The following COG5 variants were observed in gnomAD, a reference collection of about 807,000 sequenced individuals.
The protein encoded by COG5 is conserved oligomeric Golgi complex subunit 5.
Under a neutral mutation model 110.4 loss-of-function variants are expected in COG5, and 86 were observed. The observed-to-expected ratio is 0.78, with a 90% CI of 0.65 to 0.93. The LOEUF is 0.93. COG5 is among the 40% of genes least tolerant of loss of function. The probability of loss-of-function intolerance (pLI) is 0.00; values close to 1 mark genes in which losing one functional copy is unlikely to be tolerated. For missense variants in COG5, 1,077 were observed against 987.0 expected (o/e 1.09, Z -1.22); for synonymous variants, 360 against 334.6 (o/e 1.08, Z -0.83).
chr7:107,447,638 G>A (rs1448334548), intron 6 of COG5, among the ~76,000 whole-genome samples: 1 of 152,108 alleles, frequency 6.6e-6, no homozygotes, highest in African/African-American at 2.4e-5. Context: ...TTTTCATACA[G>A]TATCTCATAA....
chr7:107,386,680 C>T (rs898297871), intron 7 of COG5, among the ~76,000 whole-genome samples: 1 of 151,978 alleles, frequency 6.6e-6, no homozygotes, highest in African/African-American at 2.4e-5. Flanking sequence ...TTCACAGGCA[C>T]AATTAAGGGA....
At chr7:107,307,045 T>C (rs1807786049) in intron 11 of COG5, among the ~76,000 whole-genome samples, 1 of 152,206 alleles carries the variant, frequency 6.6e-6, no homozygotes, top group Non-Finnish European at 1.5e-5. Flanking sequence ...ACAAACAAGA[T>C]GCCAACACAC....
At chr7:107,413,638 C>A (rs533120255) in intron 6 of COG5, among the ~76,000 whole-genome samples, 5 of 152,148 alleles carry the variant, frequency 3.3e-5, no homozygotes, top group Non-Finnish European at 5.9e-5. Context: ...TTTCCCCTCC[C>A]ATTTATCTGA....
At chr7:107,270,649 C>CT (rs1804183250) in intron 14 of COG5, among the ~76,000 whole-genome samples, 2 of 151,798 alleles carry the variant, frequency 1.3e-5, no homozygotes, top group African/African-American at 2.4e-5. Flanking sequence ...ACACACACCC[C>CT]TTTACTCCTT....
intron 6 of COG5, among the ~76,000 whole-genome samples, chr7:107,488,029 T>C (rs1346041537): frequency 6.6e-6 from 1 of 152,102 alleles, no homozygotes; most frequent in East Asian, 1.9e-4. Flanking sequence ...TGAACATATA[T>C]TGTTAATGTA....
chr7:107,510,489 C>T (rs150436886), intron 6 of COG5, among the ~76,000 whole-genome samples: 19,369 of 152,076 alleles, frequency 0.13, 1,514 homozygotes, highest in Non-Finnish European at 0.17. Context: ...GACAGATCAA[C>T]GAGACAGAAA....
intron 6 of COG5, among the ~76,000 whole-genome samples, chr7:107,413,400 C>G (rs1187713355): frequency 2.6e-5 from 4 of 152,008 alleles, no homozygotes; most frequent in Non-Finnish European, 5.9e-5. Flanking sequence ...TAAGAAGTAA[C>G]CAAACAACAT....
chr7:107,455,850 C>G (rs1274937961), intron 6 of COG5, among the ~76,000 whole-genome samples: 1 of 150,764 alleles, frequency 6.6e-6, no homozygotes, highest in Admixed American at 6.6e-5. Context: ...CTGGAGTGCA[C>G]TGGTGCTATC....
In COG5 at chr7:107,436,714, T is replaced by C. The variant is rs543564696; in HGVS notation, c.539-24082A>G. ...AATGTTAATTTTTGCTTTCAACTGATGGAAAGAAAACTAAAATTGAATTAA... is the reference window on the plus strand; with the variant it reads ...AATGTTAATTTTTGCTTTCAACTGACGGAAAGAAAACTAAAATTGAATTAA... On this transcript the variant is annotated intron_variant, in intron 6 of 21. Transcript: ENST00000297135. Among the ~76,000 whole-genome samples, 218 of 152,252 alleles carry C rather than the reference T, an allele frequency of 1.4e-3. 1 individual carries two copies. The highest frequency in any genetic ancestry group is 3.4e-3 in the Middle Eastern group (1 of 294).
chr7:107,280,977 T>A (rs906229360), intron 14 of COG5, among the ~76,000 whole-genome samples: 2 of 151,866 alleles, frequency 1.3e-5, no homozygotes, highest in Non-Finnish European at 1.5e-5. Context: ...TGATCATGCA[T>A]AATTATAATT....
At chr7:107,326,141 C>A (rs944943750) in intron 10 of COG5, among the ~76,000 whole-genome samples, 1 of 152,024 alleles carries the variant, frequency 6.6e-6, no homozygotes, top group African/African-American at 2.4e-5. Context: ...AACTAGGACT[C>A]GAAGGAAATT....
At chr7:107,460,733 A>G (rs1563048366) in intron 6 of COG5, among the ~76,000 whole-genome samples, 1 of 152,158 alleles carries the variant, frequency 6.6e-6, no homozygotes, top group East Asian at 1.9e-4. Flanking sequence ...AAAAAGAAAA[A>G]AAGATGATAG....
chr7:107,480,251 C>A (rs570695556), intron 6 of COG5, among the ~76,000 whole-genome samples: 1 of 152,014 alleles, frequency 6.6e-6, no homozygotes, highest in East Asian at 1.9e-4. Flanking sequence ...TTCAGAATGA[C>A]GGCAAGAAGC....
intron 6 of COG5, among the ~76,000 whole-genome samples, chr7:107,444,834 G>A (rs1412704196): frequency 6.6e-6 from 1 of 152,144 alleles, no homozygotes; most frequent in East Asian, 1.9e-4. Context: ...GTCTTAAAGA[G>A]TACTTCTTTT....
chr7:107,298,983 C>T (rs1807010112), intron 11 of COG5, among the ~76,000 whole-genome samples: 1 of 152,064 alleles, frequency 6.6e-6, no homozygotes, highest in Admixed American at 6.6e-5. Context: ...GTATTTTGAA[C>T]TGAACGAAAA....
chr7:107,419,331 C>T (rs913480964), intron 6 of COG5, among the ~76,000 whole-genome samples: 12 of 151,788 alleles, frequency 7.9e-5, no homozygotes, highest in African/African-American at 2.9e-4. Context: ...AATAAAAGCT[C>T]ACAATATATA....
At chr7:107,263,679 AT>A (rs1375806017) in intron 14 of COG5, among the ~76,000 whole-genome samples, 6 of 152,222 alleles carry the variant, frequency 3.9e-5, no homozygotes, top group Admixed American at 1.3e-4. Context: ...AAGATACACT[AT>A]TTTTTAAAAT....
At chr7:107,407,833 T>C (rs1791970643) in intron 7 of COG5, among the ~76,000 whole-genome samples, 1 of 152,184 alleles carries the variant, frequency 6.6e-6, no homozygotes, top group Non-Finnish European at 1.5e-5. Context: ...AAACCTGTTA[T>C]GTTCAGGGAA....
chr7:107,469,218 T>C (rs1483796299), intron 6 of COG5, among the ~76,000 whole-genome samples: 1 of 151,856 alleles, frequency 6.6e-6, no homozygotes, highest in Non-Finnish European at 1.5e-5. Context: ...CTACATATCA[T>C]ATTTAAGAAA....
Sources: gnomAD v4.1 joint callset for allele counts (sites outside exome capture counted in the v4.1 genomes callset) on GRCh38, gnomAD v4.1.1 for gene constraint, MANE v1.5 for transcripts, NCBI Gene and HGNC (gene_info 2026-07-23, HGNC 2026-07-21) for gene names.